Variants in NCALD observed in about 807,000 individuals in gnomAD.
The protein encoded by NCALD is neurocalcin delta.
Under a neutral mutation model 18.6 loss-of-function variants are expected in NCALD, and 10 were observed. That is an observed-to-expected ratio of 0.54 (90% CI 0.33 to 0.91). The LOEUF (loss-of-function observed/expected upper bound fraction) is 0.91, where lower values mean the gene tolerates loss of function less well. Among genes scored for constraint, NCALD ranks in the 40% least tolerant of loss-of-function variants. NCALD has a pLI of 0.03. For missense variants in NCALD, 184 were observed against 247.6 expected (o/e 0.74, Z 1.72); for synonymous variants, 88 against 87.4 (o/e 1.01, Z -0.04).
chr8:101,823,392 T>C (rs1813800399), intron 4 of NCALD, among the ~76,000 whole-genome samples: 1 of 152,240 alleles, frequency 6.6e-6, no homozygotes, highest in South Asian at 2.1e-4. Context: ...AATGCTTCAA[T>C]GGTCTTCCTT....
chr8:101,792,259 T>C (rs773237299), upstream of NCALD, among the ~76,000 whole-genome samples: 1 of 152,210 alleles, frequency 6.6e-6, no homozygotes, highest in Non-Finnish European at 1.5e-5. Context: ...AGATTACATT[T>C]GTGTCACTGT....
At chr8:101,955,108 T>A (rs1223396317) in intron 2 of NCALD, among the ~76,000 whole-genome samples, 1 of 152,112 alleles carries the variant, frequency 6.6e-6, no homozygotes, top group Non-Finnish European at 1.5e-5. Flanking sequence ...GCCAAGTGAA[T>A]AAATGGCAGA....
At chr8:101,975,426 T>C (rs4734048) in intron 2 of NCALD, 60,325 of 151,876 alleles carry the variant, frequency 0.4, 12,162 homozygotes, top group South Asian at 0.45. Context: ...TGGATTTGCA[T>C]GTCTAATCAG....
chr8:101,910,694 C>T (rs182543292), intron 3 of NCALD, among the ~76,000 whole-genome samples: 40 of 152,224 alleles, frequency 2.6e-4, no homozygotes, highest in Non-Finnish European at 4.4e-4. Flanking sequence ...TTGTTCTATT[C>T]CCATAATAAA....
At chr8:101,993,747 C>A (rs1821136790) in intron 2 of NCALD, among the ~76,000 whole-genome samples, 1 of 152,220 alleles carries the variant, frequency 6.6e-6, no homozygotes, top group African/African-American at 2.4e-5. Flanking sequence ...AGGACATAGA[C>A]TTCTTGAAGC....
upstream of NCALD, among the ~76,000 whole-genome samples, chr8:101,793,943 G>C (rs60235320): frequency 0.091 from 13,833 of 152,114 alleles, 1,794 homozygotes; most frequent in African/African-American, 0.29. Context: ...GTCTTTTGTC[G>C]ATGTTTGTAC....
intron 1 of NCALD, among the ~76,000 whole-genome samples, chr8:102,028,594 T>C (rs1269710): frequency 0.033 from 5,050 of 152,286 alleles, 165 homozygotes; most frequent in East Asian, 0.17. Flanking sequence ...AGACTATCTC[T>C]GGGAGGAATC....
At chr8:101,722,117 C>T (rs1221411004) in intron 1 of NCALD, among the ~76,000 whole-genome samples, 1 of 152,168 alleles carries the variant, frequency 6.6e-6, no homozygotes, top group East Asian at 1.9e-4. Flanking sequence ...GCATGAGCCA[C>T]CACGCTTGGC....
At chr8:101,914,105 T>C (rs1342697745) in intron 3 of NCALD, among the ~76,000 whole-genome samples, 1 of 152,218 alleles carries the variant, frequency 6.6e-6, no homozygotes, top group African/African-American at 2.4e-5. Context: ...TTACCTAACA[T>C]CCTATTTTTG....
At chr8:102,117,339 T>C (rs1012992210) in intron 1 of NCALD, among the ~76,000 whole-genome samples, 1 of 152,208 alleles carries the variant, frequency 6.6e-6, no homozygotes, top group African/African-American at 2.4e-5. Flanking sequence ...TGGCCCCAGA[T>C]GAGTCTAATC....
chr8:101,711,386 C>T (rs377315118), intron 2 of NCALD, among the ~76,000 whole-genome samples: 33 of 151,870 alleles, frequency 2.2e-4, no homozygotes, highest in East Asian at 1.7e-3. Context: ...CAACCCCTCG[C>T]GGGCAAGGGA....
chr8:101,895,452 A>C (rs1412470537), intron 3 of NCALD, among the ~76,000 whole-genome samples: 1 of 151,426 alleles, frequency 6.6e-6, no homozygotes, highest in Non-Finnish European at 1.5e-5. Context: ...GAAAACTGGC[A>C]CAAGACAGGG....
At chr8:102,076,000 G>A (rs1390796765) in intron 1 of NCALD, among the ~76,000 whole-genome samples, 7 of 149,866 alleles carry the variant, frequency 4.7e-5, no homozygotes, top group Admixed American at 2.7e-4. Context: ...TGTCCCCAAA[G>A]AGAATATCAA....
At chr8:101,854,124 C>G (rs1272614698) in intron 4 of NCALD, among the ~76,000 whole-genome samples, 1 of 152,190 alleles carries the variant, frequency 6.6e-6, no homozygotes, top group East Asian at 1.9e-4. Context: ...GTTCTACTTG[C>G]TCTTTACTCA....
chr8:101,931,278 T>C (rs750879102), intron 2 of NCALD, among the ~76,000 whole-genome samples: 26 of 152,340 alleles, frequency 1.7e-4, no homozygotes, highest in Middle Eastern at 3.4e-3. Flanking sequence ...CTGAGGCAGT[T>C]CACTTATCAT....
intron 4 of NCALD, among the ~76,000 whole-genome samples, chr8:101,878,702 T>C (rs1816333119): frequency 6.6e-6 from 1 of 152,224 alleles, no homozygotes; most frequent in African/African-American, 2.4e-5. Context: ...AGAGCATGTA[T>C]TTTAAAAATA....
At chr8:101,824,737 T>C (rs2131210442) in intron 4 of NCALD, among the ~76,000 whole-genome samples, 1 of 152,260 alleles carries the variant, frequency 6.6e-6, no homozygotes, top group South Asian at 2.1e-4. Context: ...GGTAATTAAA[T>C]TGACCAAAGT....
chr8:101,735,518 A>G (rs1379777811), intron 1 of NCALD, among the ~76,000 whole-genome samples: 1 of 152,218 alleles, frequency 6.6e-6, no homozygotes, highest in Non-Finnish European at 1.5e-5. Context: ...TAAAGTTGTC[A>G]TATAAAAATG....
chr8:101,704,366 T>C (rs972850655), intron 2 of NCALD, among the ~76,000 whole-genome samples: 4 of 152,010 alleles, frequency 2.6e-5, no homozygotes, highest in African/African-American at 9.7e-5. Context: ...GTTAAATGCA[T>C]AGGACTGGGG....
Sources: allele counts gnomAD v4.1 joint callset (sites outside exome capture counted in the v4.1 genomes callset), GRCh38; gene constraint gnomAD v4.1.1; transcripts MANE v1.5; gene names NCBI Gene and HGNC (gene_info 2026-07-23, HGNC 2026-07-21).